Variants in DPYSL5 observed in about 807,000 individuals in gnomAD.
DPYSL5 encodes dihydropyrimidinase like 5.
In DPYSL5, 9 loss-of-function variants were observed where a neutral mutation model predicts 58.4. The observed-to-expected ratio is 0.15, with a 90% CI of 0.09 to 0.27. The LOEUF (loss-of-function observed/expected upper bound fraction) is 0.27. Among genes scored for constraint, DPYSL5 ranks in the 10% least tolerant of loss-of-function variants. The pLI, the probability that DPYSL5 is intolerant of heterozygous loss-of-function variation, is 1.00. For missense variants in DPYSL5, 499 were observed against 770.6 expected, an observed-to-expected ratio of 0.65 and a Z score of 4.17; for synonymous variants, 293 against 301.9, an observed-to-expected ratio of 0.97 and a Z score of 0.31.
intron 2 of DPYSL5, among the ~76,000 whole-genome samples, chr2:26,909,970 T>C (rs1664392622): frequency 6.6e-6 from 1 of 152,218 alleles, no homozygotes; most frequent in African/African-American, 2.4e-5. Flanking sequence ...CATCACAATA[T>C]AATAAACATA....
Position 26,942,239 on chromosome 2 carries a change from T to C in DPYSL5, c.1232+147T>C. 1 of 1,202,954 alleles carries C rather than the reference T, an allele frequency of 8.3e-7. No individual in the cohort carries two copies. The highest frequency in any genetic ancestry group is 1.2e-6 in the Non-Finnish European group (1 of 864,104). The allele number at this position is 1,202,954 out of a possible 1,614,324, so 74.5% of individuals were successfully genotyped here. Reference sequence around the variant, plus strand: ...TACCGTTGGCCATCTTCTCCCTCCATCTTCACACAGTCTTTCTTCCGTGTC... The same window carrying C: ...TACCGTTGGCCATCTTCTCCCTCCACCTTCACACAGTCTTTCTTCCGTGTC... On this transcript the variant is annotated intron_variant, in intron 10 of 12. Coordinates refer to ENST00000288699, the MANE Select transcript of DPYSL5 (RefSeq NM_020134.4). The surrounding 1 kb of genome is among the most constrained non-coding windows in gnomAD (Gnocchi z 5.9).
At chr2:26,907,137 T>G (rs1216254440) in intron 2 of DPYSL5, among the ~76,000 whole-genome samples, 1 of 151,792 alleles carries the variant, frequency 6.6e-6, no homozygotes, top group African/African-American at 2.4e-5. Flanking sequence ...TTTTTTGAGA[T>G]GGAGTCTTGC....
chr2:26,870,851 C>T (rs1012388742), intron 1 of DPYSL5, among the ~76,000 whole-genome samples: 1 of 152,134 alleles, frequency 6.6e-6, no homozygotes, highest in African/African-American at 2.4e-5. Flanking sequence ...TTCTGTTTGT[C>T]TTTTAAGCCT....
At position 26,928,334 on chromosome 2, in the gene DPYSL5, C is replaced by T; in HGVS notation, c.669+11C>T. On this transcript the variant is annotated intron_variant, in intron 5 of 12. Transcript: ENST00000288699. ...AGCCGTCCAGAGGAGGTGAGAAACA[C>T]TTCCTGTAGCCTTTGTCAGCGTCTC... 3 of 1,613,622 alleles carry T rather than the reference C, an allele frequency of 1.9e-6. No individual in the cohort carries two copies. The highest frequency in any genetic ancestry group is 2.5e-6 in the Non-Finnish European group (3 of 1,179,726).
intron 1 of DPYSL5, among the ~76,000 whole-genome samples, chr2:26,873,843 T>G (rs1663334977): frequency 1.3e-5 from 2 of 152,200 alleles, no homozygotes; most frequent in South Asian, 4.1e-4. Flanking sequence ...GCTAATCTCT[T>G]CCAGAAACAC....
chr2:26,848,043 G>A (rs1665639752), upstream of DPYSL5: 1 of 151,470 alleles, frequency 6.6e-6, no homozygotes, highest in Non-Finnish European at 1.5e-5. Flanking sequence ...GGAGGAGCCG[G>A]CCGCGCGGTG....
rs993547812 is a variant in DPYSL5 at position 26,947,164 on chromosome 2, G to A, written c.*169G>A. The A allele has an allele frequency of 8.5e-6, 5 of 590,966 alleles. No homozygotes were observed. The highest frequency in any genetic ancestry group is 3.7e-5 in the African/African-American group (2 of 53,652). The allele number at this position is 590,966 out of a possible 1,614,324, so 36.6% of individuals were successfully genotyped here. A position where few individuals can be genotyped will look rare whatever the true frequency, so the allele number is the denominator to read the frequency against. ...TCTGCAAAGTGATTCACTGTGCTTC[G>A]AGCCAACTCTAACAGGCACTTTGAG... is the stretch of plus-strand genomic sequence containing the variant. On this transcript the variant is annotated 3_prime_UTR_variant, in exon 13 of 13. Transcript: ENST00000288699. This position sits in a 1 kb window ranked among gnomAD's most constrained non-coding sequence, Gnocchi z 4.2.
intron 5 of DPYSL5, among the ~76,000 whole-genome samples, chr2:26,929,294 G>T (rs541135871): frequency 1.3e-5 from 2 of 152,012 alleles, no homozygotes; most frequent in Non-Finnish European, 2.9e-5. Flanking sequence ...GTGCAATGGC[G>T]CAATCTCGGC....
At chr2:26,939,890 C>T (rs1208142570) in intron 8 of DPYSL5, 141 bp from the exon 9 acceptor site, 2 of 1,101,480 alleles carry the variant, frequency 1.8e-6, no homozygotes, top group Non-Finnish European at 2.7e-6. Context: ...TCACGACAGA[C>T]CACATGGCCT....
chr2:26,886,045 A>G (rs1663710374), intron 1 of DPYSL5, among the ~76,000 whole-genome samples: 1 of 152,180 alleles, frequency 6.6e-6, no homozygotes. Context: ...AACCCAGTAG[A>G]ATGGTCCAGT....
intron 2 of DPYSL5, among the ~76,000 whole-genome samples, chr2:26,914,366 G>A (rs1179065246): frequency 2.0e-5 from 3 of 152,240 alleles, no homozygotes; most frequent in African/African-American, 7.2e-5. Flanking sequence ...CCCCCTTGCT[G>A]CTTTGAAGCC....
At chr2:26,931,741 C>T (rs1664994818) in intron 6 of DPYSL5, 57 bp downstream of exon 6, 3 of 1,585,802 alleles carry the variant, frequency 1.9e-6, no homozygotes, top group Non-Finnish European at 2.6e-6. Context: ...AGGCACGGTG[C>T]TGATGTCTGT....
chr2:26,931,691 C>T lies in DPYSL5; in HGVS notation c.714+7C>T. The T allele has an allele frequency of 1.2e-6, 2 of 1,613,608 alleles. No individual in the cohort carries two copies. Among genetic ancestry groups the T allele is most frequent in the Non-Finnish European group, 1.7e-6 (2 of 1,179,784 alleles). ...TATCACCATTGCAAACAGGGTAAGT[C>T]CCCCGATGTCCACTGTGGGATTAGA... On this transcript the variant is annotated splice_region_variant and intron_variant, in intron 6 of 12. Transcript: ENST00000288699.
intron 5 of DPYSL5, among the ~76,000 whole-genome samples, chr2:26,928,908 G>A (rs1467195285): frequency 6.6e-5 from 10 of 151,522 alleles, no homozygotes; most frequent in Admixed American, 6.6e-4. Flanking sequence ...GACTGAAAAG[G>A]CCTTCAGGTG....
chr2:26,865,384 G>C (rs954827910), intron 1 of DPYSL5, among the ~76,000 whole-genome samples: 1 of 143,036 alleles, frequency 7.0e-6, no homozygotes, highest in Non-Finnish European at 1.5e-5. Flanking sequence ...GCAGTGGCGC[G>C]ATCTCAGCTC....
chr2:26,893,620 G>A (rs2148133520), intron 1 of DPYSL5, among the ~76,000 whole-genome samples: 1 of 152,218 alleles, frequency 6.6e-6, no homozygotes, highest in East Asian at 1.9e-4. Context: ...AAGTAGATGG[G>A]GCTATTTATT....
intron 1 of DPYSL5, among the ~76,000 whole-genome samples, chr2:26,862,184 A>G (rs1290919753): frequency 1.3e-5 from 2 of 152,240 alleles, no homozygotes; most frequent in Non-Finnish European, 2.9e-5. Context: ...AGTGTGAGGA[A>G]ATAAGCTTGT....
Position 26,944,425 on chromosome 2 carries a change from T to C in DPYSL5, c.1441-231T>C, listed in dbSNP as rs1355806650. Among the ~76,000 whole-genome samples the C allele has an allele frequency of 6.6e-6, 1 of 152,188 alleles. No homozygotes were observed. Among genetic ancestry groups the C allele is most frequent in the African/African-American group, 2.4e-5 (1 of 41,452 alleles). On this transcript the variant is annotated intron_variant, in intron 11 of 12. Coordinates refer to ENST00000288699, the MANE Select transcript of DPYSL5 (RefSeq NM_020134.4). The surrounding 1 kb of genome is among the most constrained non-coding windows in gnomAD (Gnocchi z 4.4). ...ATGCACACACACATGTGCACTCACATACATGCACGCATGCACACATGTACA... is the reference window on the plus strand; with the variant it reads ...ATGCACACACACATGTGCACTCACACACATGCACGCATGCACACATGTACA...
intron 1 of DPYSL5, among the ~76,000 whole-genome samples, chr2:26,890,294 T>C (rs1663842993): frequency 6.6e-6 from 1 of 152,226 alleles, no homozygotes; most frequent in African/African-American, 2.4e-5. Flanking sequence ...TTTTCAGAGT[T>C]GTCTCCAGTG....
Sources: gnomAD v4.1 joint callset for allele counts (sites outside exome capture counted in the v4.1 genomes callset) on GRCh38, gnomAD v4.1.1 for gene constraint, Gnocchi (gnomAD v3.1) non-coding constraint, MANE v1.5 for transcripts, NCBI Gene and HGNC (gene_info 2026-07-23, HGNC 2026-07-21) for gene names.